Variants in CRPPA observed in about 807,000 individuals in gnomAD.
The protein encoded by CRPPA is D-ribitol-5-phosphate cytidylyltransferase.
Under a neutral mutation model 52.0 loss-of-function variants are expected in CRPPA, and 43 were observed. That is an observed-to-expected ratio of 0.83 (90% CI 0.65 to 1.07). CRPPA has a LOEUF of 1.07. Ranked by LOEUF, CRPPA falls within the 50% of genes least tolerant of loss-of-function variation. The pLI is 0.00. For missense variants in CRPPA, 629 were observed against 551.7 expected, an observed-to-expected ratio of 1.14 and a Z score of -1.40; for synonymous variants, 250 against 203.5, an observed-to-expected ratio of 1.23 and a Z score of -1.94.
intron 3 of CRPPA, among the ~76,000 whole-genome samples, chr7:16,365,738 G>A (rs958134712): frequency 6.6e-6 from 1 of 152,054 alleles, no homozygotes; most frequent in African/African-American, 2.4e-5. Flanking sequence ...ATACGGACAA[G>A]AACTTAAACA....
chr7:16,094,672 G>T (rs1781901436), intron 9 of CRPPA, among the ~76,000 whole-genome samples: 1 of 151,590 alleles, frequency 6.6e-6, no homozygotes, highest in Non-Finnish European at 1.5e-5. Context: ...AGGTAAGCAG[G>T]GTCCATATGA....
At chr7:16,303,984 C>T (rs912703486) in intron 4 of CRPPA, among the ~76,000 whole-genome samples, 1 of 152,166 alleles carries the variant, frequency 6.6e-6, no homozygotes, top group African/African-American at 2.4e-5. Context: ...AACTGGTTAT[C>T]AATCTTGTAT....
At chr7:16,183,113 G>A (rs1214387096) in intron 9 of CRPPA, among the ~76,000 whole-genome samples, 3 of 152,072 alleles carry the variant, frequency 2.0e-5, no homozygotes, top group Non-Finnish European at 2.9e-5. Context: ...AAATGATAAG[G>A]TAGCTAGCTC....
rs1554353884 is a variant in CRPPA at position 16,389,926 on chromosome 7, A to AAG, written c.535-13686_535-13685insCT. ...AAGCCTAGTATACAAAAAAAAAAAA[A>AAG]AAATATATATATATATATATATATA... On this transcript the variant is annotated intron_variant, in intron 2 of 9. Transcript: ENST00000407010. Among the ~76,000 whole-genome samples the AAG allele has an allele frequency of 3.1e-4, 17 of 55,032 alleles. 1 individual carries two copies. Among genetic ancestry groups the AAG allele is most frequent in the African/African-American group, 1.4e-3 (17 of 12,324 alleles). The allele number at this position is 55,032 out of a possible 152,430, so 36.1% of individuals were successfully genotyped here.
chr7:16,401,987 T>C (rs1464470181), intron 2 of CRPPA, among the ~76,000 whole-genome samples: 1 of 152,136 alleles, frequency 6.6e-6, no homozygotes, highest in Non-Finnish European at 1.5e-5. Context: ...ATGGCAGAGA[T>C]GCTTTCAGTT....
intron 6 of CRPPA, among the ~76,000 whole-genome samples, chr7:16,274,206 C>A (rs375086575): frequency 6.6e-6 from 1 of 152,034 alleles, no homozygotes; most frequent in East Asian, 1.9e-4. Context: ...CCCACCACCA[C>A]GCCCAGCTAA....
At chr7:16,347,486 G>A (rs1786043285) in intron 3 of CRPPA, among the ~76,000 whole-genome samples, 1 of 152,228 alleles carries the variant, frequency 6.6e-6, no homozygotes, top group Non-Finnish European at 1.5e-5. Context: ...ATGTTTTGAT[G>A]CCACTTTAAA....
At chr7:16,151,018 G>GC (rs1783066975) in intron 9 of CRPPA, among the ~76,000 whole-genome samples, 1 of 152,136 alleles carries the variant, frequency 6.6e-6, no homozygotes, top group African/African-American at 2.4e-5. Flanking sequence ...CCCAACATAG[G>GC]TTTTTTGGAG....
At chr7:16,208,738 T>A (rs530568401) in intron 9 of CRPPA, among the ~76,000 whole-genome samples, 1 of 152,318 alleles carries the variant, frequency 6.6e-6, no homozygotes, top group African/African-American at 2.4e-5. Context: ...TTCATATGTA[T>A]GCCTGGGTAA....
intron 3 of CRPPA, among the ~76,000 whole-genome samples, chr7:16,324,824 G>A (rs1785345132): frequency 6.6e-6 from 1 of 152,108 alleles, no homozygotes; most frequent in Admixed American, 6.5e-5. Context: ...ATCCACTTTT[G>A]CTCCCATACT....
At chr7:16,377,650 T>A (rs1050301209) in intron 2 of CRPPA, among the ~76,000 whole-genome samples, 1 of 152,180 alleles carries the variant, frequency 6.6e-6, no homozygotes, top group Non-Finnish European at 1.5e-5. Context: ...TACATTTTGG[T>A]AAGAACAGAC....
intron 2 of CRPPA, among the ~76,000 whole-genome samples, chr7:16,385,840 AC>A (rs1787252045): frequency 6.6e-6 from 1 of 152,154 alleles, no homozygotes; most frequent in Non-Finnish European, 1.5e-5. Flanking sequence ...ATACACTCAA[AC>A]CCCTTATGGG....
intron 2 of CRPPA, among the ~76,000 whole-genome samples, chr7:16,388,917 G>A (rs935844531): frequency 1.3e-5 from 2 of 151,846 alleles, no homozygotes; most frequent in African/African-American, 2.4e-5. Context: ...GAAAAAAAAA[G>A]GCAAATTAAT....
Position 16,088,939 on chromosome 7 carries a change from G to A in CRPPA, c.*2756C>T, listed in dbSNP as rs1781756489. ...ATATCACGTCTTATATATCAGACGT[G>A]GCTTATATATCAGATGTCTTTGCCA... On this transcript the variant is annotated 3_prime_UTR_variant, in exon 10 of 10. Transcript: ENST00000407010. 1 of 203,764 alleles carries A rather than the reference G, an allele frequency of 4.9e-6. No individual in the cohort carries two copies. Among genetic ancestry groups the A allele is most frequent in the Admixed American group, 5.2e-5 (1 of 19,414 alleles). 12.6% of individuals were successfully genotyped at this position (203,764 alleles called of 1,614,324 possible).
rs1491461185 is a variant in CRPPA at position 16,342,798 on chromosome 7, T to TATATAGATATATAGATATATATATATAG, written c.684+33293_684+33294insCTATATATATATATCTATATATCTATAT. 1.2e-4 allele frequency among the ~76,000 whole-genome samples: 12 copies of TATATAGATATATAGATATATATATATAG among 101,252 alleles called. 1 individual carries two copies. The highest frequency in any genetic ancestry group is 4.9e-4 in the African/African-American group (12 of 24,542). The allele number at this position is 101,252 out of a possible 152,430, so 66.4% of individuals were successfully genotyped here. A position where few individuals can be genotyped will look rare whatever the true frequency, so the allele number is the denominator to read the frequency against. ...AAAAAAAAAAATATATATATATATA[T>TATATAGATATATAGATATATATATATAG]CTATATAGATATATAGATATACATA... On this transcript the variant is annotated intron_variant, in intron 3 of 9. Transcript: ENST00000407010.
At chr7:16,321,537 G>A (rs1785265161) in intron 3 of CRPPA, among the ~76,000 whole-genome samples, 5 of 152,120 alleles carry the variant, frequency 3.3e-5, no homozygotes, top group Admixed American at 2.6e-4. Context: ...TTACAATGCT[G>A]TTGGCCATAA....
chr7:16,340,582 A>G (rs1424971424), intron 3 of CRPPA, among the ~76,000 whole-genome samples: 3 of 149,058 alleles, frequency 2.0e-5, no homozygotes, highest in Non-Finnish European at 4.5e-5. Context: ...TAACTATCAA[A>G]TTGCTGGCAA....
chr7:16,382,289 T>A (rs554258698), intron 2 of CRPPA, among the ~76,000 whole-genome samples: 163 of 152,302 alleles, frequency 1.1e-3, no homozygotes, highest in Non-Finnish European at 1.8e-3. Context: ...GGGTTGAAAA[T>A]TCTTTTCTTT....
At chr7:16,409,722 C>G (rs966945761) in intron 1 of CRPPA, among the ~76,000 whole-genome samples, 1 of 152,172 alleles carries the variant, frequency 6.6e-6, no homozygotes, top group Non-Finnish European at 1.5e-5. Context: ...ATACAAGAGA[C>G]AAAAAGATCC....
Sources: allele counts gnomAD v4.1 joint callset (sites outside exome capture counted in the v4.1 genomes callset), GRCh38; gene constraint gnomAD v4.1.1; transcripts MANE v1.5; gene names NCBI Gene and HGNC (gene_info 2026-07-23, HGNC 2026-07-21).